Variants in FMN1 observed in about 807,000 individuals in gnomAD.
The protein encoded by FMN1 is formin 1.
A neutral mutation model predicts 132.4 loss-of-function variants in FMN1; 110 were observed. That is an observed-to-expected ratio of 0.83 (90% CI 0.71 to 0.97). FMN1 has a LOEUF of 0.97. Ranked by LOEUF, FMN1 falls within the 50% of genes least tolerant of loss-of-function variation. FMN1 has a pLI of 0.00. For missense variants in FMN1, 1,792 were observed against 1,705.3 expected, an observed-to-expected ratio of 1.05 and a Z score of -0.90; for synonymous variants, 722 against 651.7, an observed-to-expected ratio of 1.11 and a Z score of -1.64.
At chr15:33,115,146 G>C (rs11855805) in intron 4 of FMN1, among the ~76,000 whole-genome samples, 5,398 of 152,230 alleles carry the variant, frequency 0.035, 259 homozygotes, top group African/African-American at 0.1. Context: ...AAGGAGTCCA[G>C]TCTCCCATGG....
chr15:32,822,286 T>C (rs1313254945), intron 17 of FMN1, among the ~76,000 whole-genome samples: 1 of 152,034 alleles, frequency 6.6e-6, no homozygotes, highest in Non-Finnish European at 1.5e-5. Flanking sequence ...GAGGTGGAGG[T>C]TGCAGTGAGC....
At position 33,038,024 on chromosome 15, in the gene FMN1, G is replaced by A. The variant is rs147924016; in HGVS notation, c.2161+26933C>T. ...GATCACTTGGTGTCAGGAGTTTGAG[G>A]CCAGCCTGGCCAACACGGTAAAACC... On this transcript the variant is annotated intron_variant, in intron 6 of 20. Transcript: ENST00000616417. Among the ~76,000 whole-genome samples the A allele has an allele frequency of 7.9e-3, 1,208 of 152,274 alleles. 4 individuals carry two copies. Among genetic ancestry groups the A allele is most frequent in the Middle Eastern group, 0.014 (4 of 294 alleles).
At chr15:33,142,539 C>G (rs1395598432) in intron 4 of FMN1, among the ~76,000 whole-genome samples, 1 of 152,188 alleles carries the variant, frequency 6.6e-6, no homozygotes, top group Non-Finnish European at 1.5e-5. Flanking sequence ...ACCCTGACTT[C>G]TACTTCCACT....
intron 6 of FMN1, among the ~76,000 whole-genome samples, chr15:33,026,342 C>A (rs946679701): frequency 2.7e-5 from 4 of 147,310 alleles, no homozygotes; most frequent in African/African-American, 1.0e-4. Context: ...ACTAACTCTA[C>A]TTTATTCTAT....
intron 7 of FMN1, among the ~76,000 whole-genome samples, chr15:32,996,587 A>G (rs577507143): frequency 6.6e-6 from 1 of 152,316 alleles, no homozygotes; most frequent in East Asian, 1.9e-4. Context: ...GTAATAGCTC[A>G]TTCACTCCTT....
intron 17 of FMN1, among the ~76,000 whole-genome samples, chr15:32,849,535 A>G (rs1479773136): frequency 6.6e-6 from 1 of 152,160 alleles, no homozygotes; most frequent in Non-Finnish European, 1.5e-5. Context: ...CCATTACTGG[A>G]TAGTCATTAG....
intron 6 of FMN1, among the ~76,000 whole-genome samples, chr15:33,043,246 C>T (rs748966287): frequency 6.6e-5 from 10 of 152,348 alleles, no homozygotes; most frequent in Non-Finnish European, 1.0e-4. Context: ...CTCCTCCTTA[C>T]GTTTTCATGT....
Position 32,993,032 on chromosome 15 carries a change from A to C in FMN1, c.2223+14982T>G, listed in dbSNP as rs145442741. On this transcript the variant is annotated intron_variant, in intron 7 of 20. Transcript: ENST00000616417. ...GTCATGTGATACTTCAACAATTCTA[A>C]TTGGAAAAGAGTCACCATGTAAGGG... Among the ~76,000 whole-genome samples the C allele has an allele frequency of 1.4e-3, 213 of 152,328 alleles. 1 individual carries two copies. The highest frequency in any genetic ancestry group is 4.7e-3 in the African/African-American group (196 of 41,574).
chr15:33,179,974 C>G lies in FMN1; in HGVS notation c.-132+224G>C, dbSNP rs149990275. 1.3e-3 allele frequency among the ~76,000 whole-genome samples: 196 copies of G among 152,192 alleles called. 1 individual carries two copies. The highest frequency in any genetic ancestry group is 2.2e-3 in the Non-Finnish European group (152 of 68,014). On this transcript the variant is annotated intron_variant, in intron 3 of 20. Coordinates refer to ENST00000616417, the MANE Select transcript of FMN1 (RefSeq NM_001277313.2). ...TGGGAGGCAGCTTTGAAATCAGGAG[C>G]GTAAATACTTACTTTATTTAGGGGA...
Position 32,785,161 on chromosome 15 carries a change from C to CGTGTGTGTGTGT in FMN1, c.4131-8254_4131-8243dup, listed in dbSNP as rs1178285469. ...GTGTGTGTGTGTGTGTGTATACGTA[C>CGTGTGTGTGTGT]GTGTGTGTGTGTGTGTGTGTGTGTG... On this transcript the variant is annotated intron_variant, in intron 19 of 20. Coordinates refer to ENST00000616417, the MANE Select transcript of FMN1 (RefSeq NM_001277313.2). Among the ~76,000 whole-genome samples the CGTGTGTGTGTGT allele has an allele frequency of 1.5e-3, 79 of 51,608 alleles. 4 individuals carry two copies. Among genetic ancestry groups the CGTGTGTGTGTGT allele is most frequent in the African/African-American group, 5.7e-3 (68 of 11,876 alleles). 33.9% of individuals were successfully genotyped at this position (51,608 alleles called of 152,430 possible).
intron 7 of FMN1, among the ~76,000 whole-genome samples, chr15:32,982,139 G>T (rs567300085): frequency 8.5e-5 from 13 of 152,196 alleles, no homozygotes; most frequent in African/African-American, 2.9e-4. Flanking sequence ...ATAAAAAGAT[G>T]TTCAACATCA....
intron 7 of FMN1, among the ~76,000 whole-genome samples, chr15:33,005,747 C>A (rs1468668454): frequency 6.6e-6 from 1 of 152,168 alleles, no homozygotes; most frequent in Non-Finnish European, 1.5e-5. Flanking sequence ...CTTACAGAAT[C>A]ACTTCTGTTC....
At chr15:33,046,052 C>T (rs141247801) in intron 6 of FMN1, among the ~76,000 whole-genome samples, 1,844 of 152,004 alleles carry the variant, frequency 0.012, 13 homozygotes, top group Middle Eastern at 0.02. Context: ...ATGGTATTAG[C>T]TAAGATTTTA....
intron 4 of FMN1, among the ~76,000 whole-genome samples, chr15:33,110,022 A>G (rs2039638344): frequency 6.6e-6 from 1 of 152,100 alleles, no homozygotes; most frequent in African/African-American, 2.4e-5. Context: ...GGGTAAGTGC[A>G]CGAATACTCT....
chr15:33,006,196 AAAAC>A (rs1266233474), intron 7 of FMN1, among the ~76,000 whole-genome samples: 30 of 152,362 alleles, frequency 2.0e-4, no homozygotes, highest in African/African-American at 5.0e-4. Context: ...CAAAGGCAAG[AAAAC>A]AAACAGCCTG....
intron 9 of FMN1, among the ~76,000 whole-genome samples, chr15:32,929,275 G>T (rs1596295291): frequency 6.6e-6 from 1 of 152,262 alleles, no homozygotes; most frequent in Middle Eastern, 3.4e-3. Context: ...ATGTTTCCAT[G>T]TAGCCACTCT....
intron 9 of FMN1, among the ~76,000 whole-genome samples, chr15:32,949,862 A>G: frequency 6.7e-6 from 1 of 148,294 alleles, no homozygotes; most frequent in Admixed American, 6.8e-5. Flanking sequence ...TGTACAAGAA[A>G]AAAACAACCC....
chr15:33,074,873 C>A (rs2038139940), intron 5 of FMN1, among the ~76,000 whole-genome samples: 1 of 151,744 alleles, frequency 6.6e-6, no homozygotes, highest in Admixed American at 6.6e-5. Flanking sequence ...AAAAAATTAG[C>A]CAGGCGTGGT....
At chr15:32,956,687 C>T (rs992408397) in intron 9 of FMN1, among the ~76,000 whole-genome samples, 2 of 152,050 alleles carry the variant, frequency 1.3e-5, no homozygotes, top group African/African-American at 4.8e-5. Flanking sequence ...GTTGTCAACA[C>T]GTGAAAAACG....
Sources: allele counts gnomAD v4.1 joint callset (sites outside exome capture counted in the v4.1 genomes callset), GRCh38; gene constraint gnomAD v4.1.1; transcripts MANE v1.5; gene names NCBI Gene and HGNC (gene_info 2026-07-23, HGNC 2026-07-21).